The following SARDH variants were observed in gnomAD, a reference collection of about 807,000 sequenced individuals.
The protein encoded by SARDH is sarcosine dehydrogenase.
A neutral mutation model predicts 109.1 loss-of-function variants in SARDH; 95 were observed. The observed-to-expected ratio is 0.87, with a 90% CI of 0.74 to 1.03. The LOEUF (loss-of-function observed/expected upper bound fraction) is 1.03, where lower values mean the gene tolerates loss of function less well. Among genes scored for constraint, SARDH ranks in the 50% least tolerant of loss-of-function variants. The pLI is 0.00. For synonymous variants in SARDH, 572 were observed against 534.8 expected (o/e 1.07, Z -0.96); for missense variants, 1,267 against 1,287.8 (o/e 0.98, Z 0.25).
intron 13 of SARDH, among the ~76,000 whole-genome samples, chr9:133,697,300 T>A (rs1172946735): frequency 6.6e-6 from 1 of 152,182 alleles, no homozygotes; most frequent in Admixed American, 6.5e-5. Context: ...ATTGAAAAAT[T>A]GTCCACAATC....
At chr9:133,711,413 G>T (rs1319192814) in intron 10 of SARDH, among the ~76,000 whole-genome samples, 1 of 152,250 alleles carries the variant, frequency 6.6e-6, no homozygotes, top group African/African-American at 2.4e-5. Flanking sequence ...TTTGCAGCAG[G>T]AGGGGCCTGA....
At chr9:133,717,168 C>G (rs1378485792) in intron 8 of SARDH, among the ~76,000 whole-genome samples, 158 bp downstream of exon 8, 3 of 152,162 alleles carry the variant, frequency 2.0e-5, no homozygotes, top group Non-Finnish European at 4.4e-5. Context: ...AAGGCCACAC[C>G]TAGTACCCAG....
chr9:133,677,990 T>C (rs1830575895), intron 17 of SARDH, among the ~76,000 whole-genome samples: 1 of 152,206 alleles, frequency 6.6e-6, no homozygotes, highest in African/African-American at 2.4e-5. Context: ...TCCCTCCAAA[T>C]TGGCCTGAGG....
At chr9:133,691,290 T>C (rs186566104) in intron 15 of SARDH, among the ~76,000 whole-genome samples, 127 of 151,606 alleles carry the variant, frequency 8.4e-4, no homozygotes, top group African/African-American at 2.9e-3. Context: ...CAGGAGGGCA[T>C]GGGAGCTACT....
At chr9:133,723,696 G>A (rs2131482341) in intron 6 of SARDH, among the ~76,000 whole-genome samples, 1 of 152,350 alleles carries the variant, frequency 6.6e-6, no homozygotes. Flanking sequence ...CCAGGAGGCA[G>A]AGCTTGCAGT....
At chr9:133,729,213 A>C (rs1174338125) in intron 6 of SARDH, among the ~76,000 whole-genome samples, 1 of 152,048 alleles carries the variant, frequency 6.6e-6, no homozygotes, top group Non-Finnish European at 1.5e-5. Flanking sequence ...GTCAGTAACA[A>C]AGTGGCAGGA....
chr9:133,725,784 C>A (rs749064384), intron 6 of SARDH: 1 of 218,988 alleles, frequency 4.6e-6, no homozygotes, highest in Non-Finnish European at 9.3e-6. Context: ...CCAAACAAGA[C>A]CGTTTAGAAA....
At chr9:133,667,472 AT>A (rs556152162) in intron 19 of SARDH, among the ~76,000 whole-genome samples, 3 of 151,474 alleles carry the variant, frequency 2.0e-5, no homozygotes, top group Non-Finnish European at 2.9e-5. Flanking sequence ...GGCCAGGTTC[AT>A]TTTTTTTATA....
chr9:133,732,689 C>T (rs1215379296), intron 2 of SARDH, 88 bp from the exon 3 acceptor site: 1 of 1,416,706 alleles, frequency 7.1e-7, no homozygotes, highest in African/African-American at 1.4e-5. Flanking sequence ...CCCTGATATT[C>T]AACCATGGGT....
Position 133,708,288 on chromosome 9 carries a change from T to C in SARDH, c.1469A>G (p.Glu490Gly), listed in dbSNP as rs1831774197. 1.9e-6 allele frequency: 3 copies of C among 1,611,888 alleles called. No homozygotes were observed. The highest frequency in any genetic ancestry group is 2.7e-5 in the African/African-American group (2 of 74,868). Residue 490 changes from glutamate to glycine, a missense_variant and splice_region_variant, in exon 11 of 21, where the codon GAG becomes GGG. Transcript: ENST00000439388. ...GRNMRRDPLH[E>G]ELLGQGCVFQ... ...CAGCAGGAGCTGTAGGGGCGTTACC[T>C]CGTGCAGCGGGTCTCTCCTCATGTT... is the stretch of plus-strand genomic sequence containing the variant.
chr9:133,659,727 C>G (rs1031215618), downstream of SARDH, among the ~76,000 whole-genome samples: 5 of 152,174 alleles, frequency 3.3e-5, no homozygotes, highest in African/African-American at 1.2e-4. Flanking sequence ...TTGTATAAAT[C>G]ACAGCTTCTT....
Position 133,670,864 on chromosome 9 carries a change from C to A in SARDH, c.2327-112G>T, listed in dbSNP as rs575371258. ...CCCCTCCAGCCCCTAGCCACACTCT[C>A]AGAGCTGCTTAGTCACCTGGGCAGG... On this transcript the variant is annotated intron_variant, in intron 18 of 20. Transcript: ENST00000439388. The A allele has an allele frequency of 2.2e-6, 3 of 1,382,496 alleles. No individual in the cohort carries two copies. In the East Asian group the frequency reaches 8.1e-5, roughly 37 times the overall value. 85.6% of individuals were successfully genotyped at this position (1,382,496 alleles called of 1,614,324 possible).
At chr9:133,691,716 C>T (rs568910781) in intron 15 of SARDH, among the ~76,000 whole-genome samples, 1 of 152,348 alleles carries the variant, frequency 6.6e-6, no homozygotes, top group South Asian at 2.1e-4. Flanking sequence ...TGATCTGATG[C>T]AGCATGGGTA....
At chr9:133,667,312 A>G (rs1830111298) in intron 19 of SARDH, among the ~76,000 whole-genome samples, 3 of 148,988 alleles carry the variant, frequency 2.0e-5, no homozygotes, top group South Asian at 4.3e-4. Flanking sequence ...GATTACAGGC[A>G]CCCACCACCA....
chr9:133,730,231 CG>C, intron 4 of SARDH, 44 bp from the exon 5 acceptor site: 1 of 1,605,894 alleles, frequency 6.2e-7, no homozygotes. Flanking sequence ...CGGGACTCCC[CG>C]GGGGTGCTTC....
At position 133,713,027 on chromosome 9, in the gene SARDH, C is replaced by T. The variant is rs1427116373; in HGVS notation, c.1237+11G>A. 1.9e-6 allele frequency: 3 copies of T among 1,606,764 alleles called. No individual in the cohort carries two copies. Among genetic ancestry groups the T allele is most frequent in the Non-Finnish European group, 2.5e-6 (3 of 1,177,406 alleles). The stretch of plus-strand genomic sequence containing the variant: ...CTCTTGGGGGCCAGGAGGGCTGCTG[C>T]CCGGACTCACCTGCGCTGTTGAAGC... On this transcript the variant is annotated intron_variant, in intron 9 of 20. Transcript: ENST00000439388.
intron 8 of SARDH, among the ~76,000 whole-genome samples, chr9:133,714,783 G>A (rs912738000): frequency 6.6e-6 from 1 of 152,130 alleles, no homozygotes; most frequent in South Asian, 2.1e-4. Context: ...TTTAAAAAAG[G>A]GGGGATTGGG....
intron 1 of SARDH, among the ~76,000 whole-genome samples, chr9:133,735,131 C>A (rs962814703): frequency 2.0e-5 from 3 of 152,176 alleles, no homozygotes; most frequent in Non-Finnish European, 4.4e-5. Flanking sequence ...GGGCACCCAA[C>A]CCCCAAGCCT....
In SARDH at chr9:133,670,598, G is replaced by A. The variant is rs1259955545; in HGVS notation, c.2481C>T (p.Cys827=). 1.3e-6 allele frequency: 2 copies of A among 1,574,838 alleles called. No individual in the cohort carries two copies. Among genetic ancestry groups the A allele is most frequent in the Non-Finnish European group, 1.7e-6 (2 of 1,160,442 alleles). Residue 827 remains cysteine, a synonymous_variant, in exon 19 of 21, where the codon TGC becomes TGT. Coordinates refer to ENST00000439388, the MANE Select transcript of SARDH (RefSeq NM_001134707.2). ...RAAGLRRRLV[C]FTMEDKVPMF... ...GGGATACTCACTCCTCCATGGTGAA[G>A]CACACCAGGCGCCGGCGGAGGCCTG...
Sources: gnomAD v4.1 joint callset for allele counts (sites outside exome capture counted in the v4.1 genomes callset) on GRCh38, gnomAD v4.1.1 for gene constraint, MANE v1.5 for transcripts, NCBI Gene and HGNC (gene_info 2026-07-23, HGNC 2026-07-21) for gene names.